RIT2: variants seen among roughly 807,000 people sequenced by gnomAD.
RIT2 encodes GTP-binding protein Rit2.
In RIT2, 24 loss-of-function variants were observed where a neutral mutation model predicts 23.7. That is an observed-to-expected ratio of 1.01 (90% CI 0.73 to 1.43). RIT2 has a LOEUF of 1.43. Ranked by LOEUF, RIT2 falls within the 40% of genes most tolerant of loss-of-function variation. RIT2 has a pLI of 0.00. For synonymous variants in RIT2, 107 were observed against 91.1 expected (o/e 1.17, Z -0.99); for missense variants, 236 against 266.9 (o/e 0.88, Z 0.81).
At chr18:43,031,318 T>C (rs188364830) in intron 2 of RIT2, among the ~76,000 whole-genome samples, 3 of 151,450 alleles carry the variant, frequency 2.0e-5, no homozygotes. Flanking sequence ...CAAACCAAAA[T>C]GAAGTCACTC....
intron 1 of RIT2, among the ~76,000 whole-genome samples, chr18:43,063,679 A>G (rs893875342): frequency 1.3e-5 from 2 of 152,170 alleles, no homozygotes; most frequent in Admixed American, 6.5e-5. Flanking sequence ...TCTTAAATAC[A>G]TAAAATACAG....
At chr18:42,785,645 T>C (rs1258687237) in intron 4 of RIT2, among the ~76,000 whole-genome samples, 1 of 152,138 alleles carries the variant, frequency 6.6e-6, no homozygotes, top group Non-Finnish European at 1.5e-5. Flanking sequence ...AGTTTTGTAT[T>C]TGAGCATATG....
At chr18:42,852,635 C>G (rs1036177660) in intron 4 of RIT2, among the ~76,000 whole-genome samples, 2 of 152,176 alleles carry the variant, frequency 1.3e-5, no homozygotes, top group Non-Finnish European at 2.9e-5. Context: ...GATTTGTCCT[C>G]TTCTATGATC....
intron 1 of RIT2, among the ~76,000 whole-genome samples, chr18:43,038,682 T>C (rs185996597): frequency 1.1e-4 from 17 of 152,308 alleles, no homozygotes; most frequent in African/African-American, 4.1e-4. Flanking sequence ...TTTGAGGATG[T>C]TTAATTCAGT....
At chr18:42,844,521 C>T (rs1598679455) in intron 4 of RIT2, among the ~76,000 whole-genome samples, 1 of 152,152 alleles carries the variant, frequency 6.6e-6, no homozygotes, top group East Asian at 1.9e-4. Context: ...TGAACTCTGG[C>T]CAGGTCCTTC....
chr18:43,099,632 G>A (rs1414724831), intron 1 of RIT2, among the ~76,000 whole-genome samples: 1 of 152,062 alleles, frequency 6.6e-6, no homozygotes, highest in Admixed American at 6.6e-5. Context: ...GGGAGTATAA[G>A]CATCAGAAGA....
chr18:42,894,536 T>C (rs759366421), intron 4 of RIT2, among the ~76,000 whole-genome samples: 9 of 152,166 alleles, frequency 5.9e-5, no homozygotes, highest in Admixed American at 1.3e-4. Flanking sequence ...CTGATCAGTA[T>C]AGGCTATGCT....
intron 2 of RIT2, among the ~76,000 whole-genome samples, chr18:43,017,041 T>C (rs1042501018): frequency 6.6e-6 from 1 of 151,992 alleles, no homozygotes; most frequent in Non-Finnish European, 1.5e-5. Context: ...ATTAGGATCC[T>C]AGTTTTACCA....
At chr18:42,979,323 A>G (rs1366982866) in intron 2 of RIT2, among the ~76,000 whole-genome samples, 1 of 152,136 alleles carries the variant, frequency 6.6e-6, no homozygotes, top group East Asian at 1.9e-4. Context: ...AATATCAGAA[A>G]TTTAATGGTA....
At chr18:43,042,584 C>T (rs557185469) in intron 1 of RIT2, among the ~76,000 whole-genome samples, 1 of 152,302 alleles carries the variant, frequency 6.6e-6, no homozygotes, top group African/African-American at 2.4e-5. Flanking sequence ...TCTCTCATTA[C>T]TGAATTTAAA....
chr18:43,098,994 T>C (rs1032674488), intron 1 of RIT2, among the ~76,000 whole-genome samples: 1 of 152,078 alleles, frequency 6.6e-6, no homozygotes, highest in African/African-American at 2.4e-5. Context: ...CTCCATGCTG[T>C]TGGCATATGA....
chr18:42,844,673 C>T (rs544007052), intron 4 of RIT2, among the ~76,000 whole-genome samples: 10 of 147,738 alleles, frequency 6.8e-5, no homozygotes, highest in Admixed American at 2.0e-4. Flanking sequence ...CAGGGTGGGG[C>T]GGGCAGTATG....
intron 4 of RIT2, among the ~76,000 whole-genome samples, chr18:42,800,288 A>C (rs1183061847): frequency 1.3e-5 from 2 of 152,064 alleles, no homozygotes; most frequent in Non-Finnish European, 2.9e-5. Context: ...ATATATTGTT[A>C]TTTTTTAAGA....
chr18:42,854,778 T>G (rs1012769816), intron 4 of RIT2, among the ~76,000 whole-genome samples: 2 of 152,184 alleles, frequency 1.3e-5, no homozygotes, highest in African/African-American at 4.8e-5. Context: ...AAAATTTACA[T>G]TAAGACCTTG....
chr18:42,921,796 G>C (rs1312448965), intron 4 of RIT2, among the ~76,000 whole-genome samples: 1 of 152,064 alleles, frequency 6.6e-6, no homozygotes, highest in African/African-American at 2.4e-5. Flanking sequence ...ATGATCACTT[G>C]GTGGCACATT....
intron 1 of RIT2, among the ~76,000 whole-genome samples, chr18:43,080,511 A>G (rs552913927): frequency 1.3e-5 from 2 of 152,160 alleles, no homozygotes; most frequent in South Asian, 4.1e-4. Flanking sequence ...GAATGACAAA[A>G]AAAACCTACC....
At chr18:42,983,141 T>A (rs183137787) in intron 2 of RIT2, among the ~76,000 whole-genome samples, 2 of 152,176 alleles carry the variant, frequency 1.3e-5, no homozygotes, top group East Asian at 3.9e-4. Flanking sequence ...AACAATATGA[T>A]GTGGGCAAGG....
intron 3 of RIT2, among the ~76,000 whole-genome samples, chr18:42,953,466 C>A (rs539403452): frequency 9.1e-4 from 138 of 151,976 alleles, no homozygotes; most frequent in Non-Finnish European, 1.7e-3. Flanking sequence ...TATGGGAGAA[C>A]AAAGAGGACA....
At chr18:42,856,796 C>T (rs927413880) in intron 4 of RIT2, among the ~76,000 whole-genome samples, 7 of 149,730 alleles carry the variant, frequency 4.7e-5, no homozygotes, top group African/African-American at 1.7e-4. Flanking sequence ...TTGGCAATTC[C>T]TTGAGAAGTC....
Sources: allele counts gnomAD v4.1 joint callset (sites outside exome capture counted in the v4.1 genomes callset), GRCh38; gene constraint gnomAD v4.1.1; transcripts MANE v1.5; gene names NCBI Gene and HGNC (gene_info 2026-07-23, HGNC 2026-07-21).